Variants in TFIP11 observed in about 807,000 individuals in gnomAD.
TFIP11 encodes the protein tuftelin interacting protein 11, also known as tuftelin-interacting protein 11.
In TFIP11, 86 loss-of-function variants were observed where a neutral mutation model predicts 96.8. The observed-to-expected ratio is 0.89, with a 90% CI of 0.75 to 1.06. The LOEUF (loss-of-function observed/expected upper bound fraction) is 1.06. Among genes scored for constraint, TFIP11 ranks in the 50% least tolerant of loss-of-function variants. The probability of loss-of-function intolerance (pLI) is 0.00; values close to 1 mark genes in which losing one functional copy is unlikely to be tolerated. For synonymous variants in TFIP11, 405 were observed against 395.2 expected (o/e 1.02, Z -0.29); for missense variants, 881 against 1,076.7 (o/e 0.82, Z 2.54).
chr22:26,494,117 C>T (rs1416149750), intron 14 of TFIP11, 22 bp downstream of exon 14: 2 of 1,610,200 alleles, frequency 1.2e-6, no homozygotes, highest in African/African-American at 2.7e-5. Context: ...CCAGGACATC[C>T]AAAATGGGAA....
chr22:26,503,777 A>T lies in TFIP11; in HGVS notation c.537T>A (p.Ile179=). Reference sequence around the variant, plus strand: ...CTTTTCCCTTTCTCTGCTTGGCTTCAATTGGGTTAATGATACCTGAGGAAT... The same window carrying T: ...CTTTTCCCTTTCTCTGCTTGGCTTCTATTGGGTTAATGATACCTGAGGAAT... ...GKNAQGIINP[I]EAKQRKGKGA... Residue 179 remains isoleucine (I), a synonymous_variant, in exon 7 of 15, where the codon ATT becomes ATA. Coordinates refer to ENST00000407690, the MANE Select transcript of TFIP11 (RefSeq NM_012143.4). 1 of 1,613,744 alleles carries T rather than the reference A, an allele frequency of 6.2e-7. No individual in the cohort carries two copies. Among genetic ancestry groups the T allele is most frequent in the South Asian group, 1.1e-5 (1 of 91,042 alleles).
At chr22:26,509,118 C>T (rs1282997154) in intron 4 of TFIP11, among the ~76,000 whole-genome samples, 1 of 152,224 alleles carries the variant, frequency 6.6e-6, no homozygotes, top group African/African-American at 2.4e-5. Flanking sequence ...CTATTGAGCA[C>T]ACCAGCAAAA....
chr22:26,506,570 T>C lies in TFIP11; in HGVS notation c.364-111A>G, dbSNP rs1923436718. On this transcript the variant is annotated intron_variant, in intron 5 of 14. Transcript: ENST00000407690. Reference sequence around the variant, plus strand: ...CTAAGTTATACAGCACTATGAAAAGTGTCATATGAACCAAAAATGTGTGTG... The same window carrying C: ...CTAAGTTATACAGCACTATGAAAAGCGTCATATGAACCAAAAATGTGTGTG... 9.9e-6 allele frequency: 14 copies of C among 1,413,882 alleles called. 1 individual carries two copies. The highest frequency in any genetic ancestry group is 4.3e-5 in the South Asian group (3 of 70,158). 87.6% of individuals were successfully genotyped at this position (1,413,882 alleles called of 1,614,324 possible).
At chr22:26,493,693 A>G (rs1921524984) in intron 14 of TFIP11, 1 of 174,770 alleles carries the variant, frequency 5.7e-6, no homozygotes, top group Non-Finnish European at 1.2e-5. Flanking sequence ...TCTCCCTTTT[A>G]GCCTATAAAG....
intron 8 of TFIP11, among the ~76,000 whole-genome samples, chr22:26,500,722 A>G (rs934833295): frequency 1.3e-5 from 2 of 151,258 alleles, no homozygotes; most frequent in Non-Finnish European, 2.9e-5. Context: ...GCACCTAGAC[A>G]CTCTTATTTC....
At chr22:26,495,608 G>GTGTGTATATACATATATGTGTATATACA (rs1921881247) in intron 12 of TFIP11, among the ~76,000 whole-genome samples, 1 of 55,044 alleles carries the variant, frequency 1.8e-5, no homozygotes, top group African/African-American at 5.6e-5. Context: ...ACATATATAT[G>GTGTGTATATACATATATGTGTATATACA]TGTGTATATA....
intron 6 of TFIP11, among the ~76,000 whole-genome samples, chr22:26,505,013 T>C (rs1394433532): frequency 6.6e-6 from 1 of 152,148 alleles, no homozygotes; most frequent in Non-Finnish European, 1.5e-5. Flanking sequence ...GAGGTGGAAG[T>C]TGCAGATGAG....
chr22:26,495,401 C>T (rs1356701291), intron 12 of TFIP11, among the ~76,000 whole-genome samples: 2 of 149,972 alleles, frequency 1.3e-5, no homozygotes, highest in African/African-American at 4.9e-5. Flanking sequence ...CCTCAGCCTC[C>T]CTAGTAGCTG....
At chr22:26,509,104 A>T (rs970622804) in intron 4 of TFIP11, among the ~76,000 whole-genome samples, 1 of 152,194 alleles carries the variant, frequency 6.6e-6, no homozygotes, top group South Asian at 2.1e-4. Flanking sequence ...CTGTGGCTCC[A>T]TGCCTATTGA....
At position 26,499,599 on chromosome 22, in the gene TFIP11, G is replaced by T; in HGVS notation, c.834C>A (p.Val278=). Reference sequence around the variant, plus strand: ...GGCTGATCTGACTGTAGCTGTAGTAGACCTTCTGCTCCCGGCCTGTCATGT... The same window carrying T: ...GGCTGATCTGACTGTAGCTGTAGTATACCTTCTGCTCCCGGCCTGTCATGT... The part of the protein sequence containing the change: ...VIDMTGREQK[V]YYSYSQISHK... Residue 278 remains valine, a synonymous_variant, in exon 9 of 15, where the codon GTC becomes GTA. Coordinates refer to ENST00000407690, the MANE Select transcript of TFIP11 (RefSeq NM_012143.4). 1 of 1,613,590 alleles carries T rather than the reference G, an allele frequency of 6.2e-7. No individual in the cohort carries two copies. Among genetic ancestry groups the T allele is most frequent in the African/African-American group, 1.3e-5 (1 of 75,060 alleles).
chr22:26,491,381 CAAGTA>C lies in TFIP11; in HGVS notation c.*627_*631del, dbSNP rs556204792. Reference sequence around the variant, plus strand: ...TTTTTAAAAAGTAAAGTGGGGATGACAAGTAAAGTGGAAATTTATCCCAGAAGAGT... The same window carrying C: ...TTTTTAAAAAGTAAAGTGGGGATGACAAGTGGAAATTTATCCCAGAAGAGT... On this transcript the variant is annotated 3_prime_UTR_variant, in exon 15 of 15. Transcript: ENST00000407690. 257 of 1,116,532 alleles carry C rather than the reference CAAGTA, an allele frequency of 2.3e-4. No individual in the cohort carries two copies. The highest frequency in any genetic ancestry group is 2.2e-3 in the African/African-American group (140 of 63,594). The allele number at this position is 1,116,532 out of a possible 1,614,324, so 69.2% of individuals were successfully genotyped here.
rs1478021768 is a variant in TFIP11 at position 26,496,807 on chromosome 22, A to G, written c.1519T>C (p.Phe507Leu). Residue 507 changes from phenylalanine (F) to leucine (L), a missense_variant, in exon 11 of 15, where the codon TTT becomes CTT. Transcript: ENST00000407690. ...ATAATGTGCACCCAACTATCCAAAA[A>G]GTCCACCATCGGGTCACAGTTCCTT... is the stretch of plus-strand genomic sequence containing the variant. Reference protein sequence around the residue: ...QPRNCDPMVDFLDSWVHIIPV... With the variant: ...QPRNCDPMVDLLDSWVHIIPV... 1.9e-6 allele frequency: 3 copies of G among 1,614,090 alleles called. No individual in the cohort carries two copies. The African/African-American group carries it at 4.0e-5, about 22-fold the overall frequency.
At chr22:26,499,775 T>C in intron 8 of TFIP11, 144 bp from the exon 9 acceptor site, 1 of 865,302 alleles carries the variant, frequency 1.2e-6, no homozygotes, top group East Asian at 2.6e-5. Flanking sequence ...TGTTGTAAAG[T>C]GGGAACCATA....
Position 26,498,940 on chromosome 22 carries a change from C to G in TFIP11, c.1365G>C (p.Trp455Cys). Residue 455 changes from tryptophan to cysteine, a missense_variant, in exon 10 of 15, where the codon TGG becomes TGC. Transcript: ENST00000407690. ...CTYGTEIISK[W>C]KSLLENDQLL... ...GCTGGTCATTCTCTAGGAGGCTTTT[C>G]CACTTAGAGATGATCTCGGTGCCAT... The G allele has an allele frequency of 6.2e-7, 1 of 1,613,936 alleles. No individual in the cohort carries two copies. Among genetic ancestry groups the G allele is most frequent in the Non-Finnish European group, 8.5e-7 (1 of 1,179,986 alleles).
At chr22:26,496,488 A>T (rs1922066131) in intron 11 of TFIP11, among the ~76,000 whole-genome samples, 172 bp from the exon 12 acceptor site, 1 of 152,174 alleles carries the variant, frequency 6.6e-6, no homozygotes, top group Admixed American at 6.5e-5. Context: ...ACATCTCAGA[A>T]ACAGCACAAT....
rs1923467146 is a variant in TFIP11 at position 26,506,777 on chromosome 22, T to G, written c.361A>C (p.Thr121Pro). The change falls in exon 5 of 15, where the codon ACG (threonine) becomes CCG (proline). Residue 121 changes from threonine (T) to proline (P), a missense_variant and splice_region_variant. By Grantham distance (38) the Thr-to-Pro change is conservative (BLOSUM62 -1). Transcript: ENST00000407690. ...PKDFGPRKLKTGGNFKPSQKG... is the reference protein window; with the variant it reads ...PKDFGPRKLKPGGNFKPSQKG... ...CACAATCCTGCAATAGAGACTACCG[T>G]TTTTAGCTTCCTTGGTCCAAAATCC... 3 of 1,614,008 alleles carry G rather than the reference T, an allele frequency of 1.9e-6. No individual in the cohort carries two copies. The African/African-American group carries it at 4.0e-5, about 22-fold the overall frequency.
chr22:26,492,448 T>C, intron 14 of TFIP11, 80 bp from the exon 15 acceptor site: 1 of 1,354,228 alleles, frequency 7.4e-7, no homozygotes, highest in Non-Finnish European at 1.0e-6. Flanking sequence ...GGCCCAGGTC[T>C]TGGGTGTGCC....
chr22:26,506,262 C>A (rs763684215), intron 6 of TFIP11, 41 bp downstream of exon 6: 1 of 1,544,772 alleles, frequency 6.5e-7, no homozygotes, highest in East Asian at 2.3e-5. Context: ...CTTCCCTATG[C>A]CTGCCCTCCT....
At position 26,491,454 on chromosome 22, in the gene TFIP11, T is replaced by C; in HGVS notation, c.*559A>G. The C allele has an allele frequency of 6.2e-7, 1 of 1,605,446 alleles. No homozygotes were observed. Among genetic ancestry groups the C allele is most frequent in the Non-Finnish European group, 8.5e-7 (1 of 1,176,060 alleles). ...TCTGAAGTTTTTATACTTGAATTTT[T>C]CTGCTCAGATTTTAAAAGGACTGGA... is the stretch of plus-strand genomic sequence containing the variant. On this transcript the variant is annotated 3_prime_UTR_variant, in exon 15 of 15. Coordinates refer to ENST00000407690, the MANE Select transcript of TFIP11 (RefSeq NM_012143.4).
Sources: allele counts gnomAD v4.1 joint callset (sites outside exome capture counted in the v4.1 genomes callset), GRCh38; gene constraint gnomAD v4.1.1; transcripts MANE v1.5; gene names NCBI Gene and HGNC (gene_info 2026-07-23, HGNC 2026-07-21).